Variants in EDNRB observed in about 807,000 individuals in gnomAD.
EDNRB encodes endothelin receptor type B.
A neutral mutation model predicts 46.4 loss-of-function variants in EDNRB; 18 were observed. The ratio of observed to expected loss-of-function variants is 0.39; its 90% confidence interval spans 0.27 to 0.57. The LOEUF is 0.57. Ranked by LOEUF, EDNRB falls within the 20% of genes least tolerant of loss-of-function variation. The pLI is 0.61. For synonymous variants in EDNRB, 213 were observed against 204.9 expected (o/e 1.04, Z -0.34); for missense variants, 434 against 537.5 (o/e 0.81, Z 1.90).
intron 1 of EDNRB, among the ~76,000 whole-genome samples, chr13:77,938,127 C>T (rs1880622591): frequency 2.0e-5 from 3 of 151,970 alleles, no homozygotes; most frequent in Admixed American, 2.0e-4. Context: ...CTTGAGAACA[C>T]AGGCTAAGGG....
In EDNRB at chr13:77,903,553, T is replaced by C; in HGVS notation, c.538A>G (p.Ile180Val). ...GAEMCKLVPF[I>V]QKASVGITVL... The stretch of plus-strand genomic sequence containing the variant: ...GTGATTCCCACAGAGGCTTTCTGTA[T>C]GAAAGGCACCAGCTTACACATCTCA... Residue 180 changes from isoleucine to valine, a missense_variant, in exon 2 of 7, where the codon ATA (isoleucine) becomes GTA (valine). Physicochemically the swap from Ile to Val is conservative, Grantham distance 29 (BLOSUM62 3). Transcript: ENST00000646607. The C allele has an allele frequency of 1.2e-6, 2 of 1,612,890 alleles. No homozygotes were observed. The highest frequency in any genetic ancestry group is 1.7e-6 in the Non-Finnish European group (2 of 1,179,258).
At chr13:77,924,270 A>G (rs1052110391), upstream of EDNRB, among the ~76,000 whole-genome samples, 2 of 152,184 alleles carry the variant, frequency 1.3e-5, no homozygotes, top group South Asian at 2.1e-4. Context: ...GGGCCCTGCT[A>G]GAGAGAACAA....
At position 77,937,676 on chromosome 13, in the gene EDNRB, T is replaced by G. The variant is rs1463831398; in HGVS notation, c.-51-19052A>C. Among the ~76,000 whole-genome samples the G allele has an allele frequency of 3.3e-5, 5 of 151,838 alleles. No individual in the cohort carries two copies. The East Asian group carries it at 7.7e-4, about 23-fold the overall frequency. ...GGACTAAACTGTAAGCCGGACCAAATGTGAGGAGGGGAGGTGATAAAAGGA... is the reference window on the plus strand; with the variant it reads ...GGACTAAACTGTAAGCCGGACCAAAGGTGAGGAGGGGAGGTGATAAAAGGA... On this transcript the variant is annotated intron_variant, in intron 1 of 7. Coordinates refer to the EDNRB transcript ENST00000646948.
At chr13:77,911,960 C>T (rs1338170138) in intron 1 of EDNRB, among the ~76,000 whole-genome samples, 2 of 152,046 alleles carry the variant, frequency 1.3e-5, no homozygotes, top group African/African-American at 4.8e-5. Context: ...TATCTGTCAA[C>T]ACCCTTTAAA....
rs1878612117 is a variant in EDNRB, at chr13:77,896,152, T to G, written c.*2048A>C. The G allele has an allele frequency of 1.2e-5, 2 of 167,332 alleles. No homozygotes were observed. The highest frequency in any genetic ancestry group is 2.5e-5 in the Non-Finnish European group (2 of 78,926). 10.4% of individuals were successfully genotyped at this position (167,332 alleles called of 1,614,324 possible). ...TTATAAATAATGCAAGTATGCTTTT[T>G]GTGTGTAGTTTCAAAATTTGGCAAG... On this transcript the variant is annotated 3_prime_UTR_variant, in exon 7 of 7. Transcript: ENST00000646607.
At chr13:77,960,947 A>G (rs188312706) in intron 1 of EDNRB, among the ~76,000 whole-genome samples, 1 of 152,240 alleles carries the variant, frequency 6.6e-6, no homozygotes, top group East Asian at 1.9e-4. Context: ...GAGACAAAGA[A>G]GGCCATTACA....
At chr13:77,932,511 A>T (rs1880435236) in intron 1 of EDNRB, among the ~76,000 whole-genome samples, 1 of 152,206 alleles carries the variant, frequency 6.6e-6, no homozygotes, top group South Asian at 2.1e-4. Context: ...TTATTTCTAC[A>T]GTGTTAAACA....
At chr13:77,975,143 A>T (rs1832938771) in intron 1 of EDNRB, among the ~76,000 whole-genome samples, 1 of 152,238 alleles carries the variant, frequency 6.6e-6, no homozygotes, top group Non-Finnish European at 1.5e-5. Context: ...CAGAAACCAA[A>T]GTGCCGGTAC....
intron 1 of EDNRB, among the ~76,000 whole-genome samples, chr13:77,964,637 GAGA>G (rs1156621992): frequency 2.0e-5 from 3 of 152,174 alleles, no homozygotes; most frequent in Non-Finnish European, 4.4e-5. Flanking sequence ...ATGGGGTGCG[GAGA>G]AGAAGGAGGG....
intron 1 of EDNRB, among the ~76,000 whole-genome samples, chr13:77,931,767 A>AC (rs1407611505): frequency 1.4e-5 from 2 of 142,160 alleles, no homozygotes; most frequent in Admixed American, 7.3e-5. Flanking sequence ...AAAACAAAAA[A>AC]AAAAAAACAA....
intron 1 of EDNRB, among the ~76,000 whole-genome samples, chr13:77,956,568 T>G (rs1881247667): frequency 6.6e-6 from 1 of 152,198 alleles, no homozygotes; most frequent in Non-Finnish European, 1.5e-5. Context: ...ATCCTTGCCT[T>G]GTATTAGCTT....
chr13:77,921,391 A>G (rs921996762), upstream of EDNRB, among the ~76,000 whole-genome samples: 7 of 152,204 alleles, frequency 4.6e-5, no homozygotes, highest in Non-Finnish European at 8.8e-5. Context: ...CACCTGCATT[A>G]GACACCTTTT....
chr13:77,941,734 A>T (rs1302791644), intron 1 of EDNRB, among the ~76,000 whole-genome samples: 1 of 152,242 alleles, frequency 6.6e-6, no homozygotes, highest in Non-Finnish European at 1.5e-5. Context: ...GGACAGGGAC[A>T]GTTGTTTTAT....
intron 1 of EDNRB, among the ~76,000 whole-genome samples, chr13:77,944,300 G>T (rs933711549): frequency 1.3e-5 from 2 of 151,810 alleles, no homozygotes; most frequent in African/African-American, 4.8e-5. Flanking sequence ...CTAACATAAG[G>T]GCCTGGTTAT....
At chr13:77,964,985 T>C (rs1339929616) in intron 1 of EDNRB, among the ~76,000 whole-genome samples, 1 of 152,170 alleles carries the variant, frequency 6.6e-6, no homozygotes, top group Admixed American at 6.6e-5. Flanking sequence ...CATTACCATA[T>C]ACATAAGTAA....
intron 6 of EDNRB, among the ~76,000 whole-genome samples, chr13:77,898,693 C>A (rs1305799888): frequency 6.6e-6 from 1 of 151,896 alleles, no homozygotes; most frequent in Non-Finnish European, 1.5e-5. Context: ...ATAAATTATA[C>A]ACATGTATAT....
chr13:77,901,046 G>T lies in EDNRB; in HGVS notation c.951+12C>A. On this transcript the variant is annotated intron_variant, in intron 4 of 6. Transcript: ENST00000646607. ...TTCAACCACGAGTTATCAAATATTT[G>T]TATTTTCTTACCTGCTTTAGGTGAT... The T allele has an allele frequency of 1.9e-6, 3 of 1,608,718 alleles. No individual in the cohort carries two copies. Among genetic ancestry groups the T allele is most frequent in the Non-Finnish European group, 1.7e-6 (2 of 1,177,806 alleles).
intron 3 of EDNRB, among the ~76,000 whole-genome samples, chr13:77,902,268 G>C (rs553209709): frequency 6.6e-6 from 1 of 151,876 alleles, no homozygotes; most frequent in African/African-American, 2.4e-5. Context: ...TGCAGATTAC[G>C]TAGTAGTTGT....
At chr13:77,958,036 T>C (rs573959739) in intron 1 of EDNRB, among the ~76,000 whole-genome samples, 1 of 152,370 alleles carries the variant, frequency 6.6e-6, no homozygotes, top group East Asian at 1.9e-4. Context: ...AGTTATTCCA[T>C]TGACTAGAGC....
Sources: gnomAD v4.1 joint callset for allele counts (sites outside exome capture counted in the v4.1 genomes callset) on GRCh38, gnomAD v4.1.1 for gene constraint, MANE v1.5 for transcripts, NCBI Gene and HGNC (gene_info 2026-07-23, HGNC 2026-07-21) for gene names.